The following ZBTB20 variants were observed in gnomAD, a reference collection of about 807,000 sequenced individuals.
ZBTB20 encodes zinc finger and BTB domain containing 20, also known as zinc finger and BTB domain-containing protein 20.
A neutral mutation model predicts 56.9 loss-of-function variants in ZBTB20; 9 were observed. That is an observed-to-expected ratio of 0.16 (90% confidence interval 0.10 to 0.28). The LOEUF (loss-of-function observed/expected upper bound fraction) is 0.28. Ranked by LOEUF, ZBTB20 falls within the 10% of genes least tolerant of loss-of-function variation. The pLI, the probability that ZBTB20 is intolerant of heterozygous loss-of-function variation, is 1.00. For missense variants in ZBTB20, 655 were observed against 1,003.0 expected, an observed-to-expected ratio of 0.65 and a Z score of 4.69; for synonymous variants, 417 against 420.7, an observed-to-expected ratio of 0.99 and a Z score of 0.11.
At chr3:114,966,558 G>A (rs773490661) in intron 3 of ZBTB20, among the ~76,000 whole-genome samples, 6 of 151,660 alleles carry the variant, frequency 4.0e-5, no homozygotes, top group Non-Finnish European at 5.9e-5. Context: ...TTATTTTATC[G>A]GTGTGTAGGC....
chr3:114,845,594 A>C (rs667926), intron 4 of ZBTB20, among the ~76,000 whole-genome samples: 6,512 of 151,896 alleles, frequency 0.043, 481 homozygotes, highest in African/African-American at 0.15. Flanking sequence ...AATTGTGCCA[A>C]TTGTAAATAA....
chr3:114,994,988 C>T (rs983244555), intron 2 of ZBTB20, among the ~76,000 whole-genome samples: 10 of 151,836 alleles, frequency 6.6e-5, no homozygotes, highest in Non-Finnish European at 1.2e-4. Context: ...GATTGCAAAC[C>T]ATGGCATTAT....
chr3:114,497,167 C>T (rs1400042727), intron 7 of ZBTB20, among the ~76,000 whole-genome samples: 1 of 152,242 alleles, frequency 6.6e-6, no homozygotes, highest in Non-Finnish European at 1.5e-5. Context: ...GCCTCTCCCT[C>T]CATCCTACCC....
At chr3:114,548,407 A>T (rs2050153195) in intron 6 of ZBTB20, among the ~76,000 whole-genome samples, 1 of 152,170 alleles carries the variant, frequency 6.6e-6, no homozygotes, top group Non-Finnish European at 1.5e-5. Flanking sequence ...ATGGGAAGAG[A>T]CCTAAGAGAT....
At chr3:115,107,588 T>C (rs1323604220) in intron 1 of ZBTB20, among the ~76,000 whole-genome samples, 1 of 152,186 alleles carries the variant, frequency 6.6e-6, no homozygotes, top group Admixed American at 6.5e-5. Context: ...AGTGTGGCGA[T>C]TCCTCAAGGA....
At chr3:114,967,643 A>T (rs1045368992) in intron 3 of ZBTB20, among the ~76,000 whole-genome samples, 4 of 152,008 alleles carry the variant, frequency 2.6e-5, no homozygotes, top group African/African-American at 7.3e-5. Context: ...AGTCTCTTTC[A>T]CCCTGATAAA....
chr3:114,611,007 T>C (rs1451777052), intron 6 of ZBTB20, among the ~76,000 whole-genome samples: 3 of 152,148 alleles, frequency 2.0e-5, no homozygotes, highest in Non-Finnish European at 2.9e-5. Context: ...TGCTAGGCAA[T>C]GATGGGTGGA....
At chr3:114,561,741 T>C (rs1028710231) in intron 6 of ZBTB20, among the ~76,000 whole-genome samples, 1 of 152,020 alleles carries the variant, frequency 6.6e-6, no homozygotes, top group Non-Finnish European at 1.5e-5. Flanking sequence ...ATTTTCTAAA[T>C]GGTAAATAAA....
At chr3:114,863,070 A>C (rs1227372701) in intron 4 of ZBTB20, among the ~76,000 whole-genome samples, 2 of 152,140 alleles carry the variant, frequency 1.3e-5, no homozygotes, top group Non-Finnish European at 2.9e-5. Flanking sequence ...TTTTCTATGA[A>C]CCAGTGACTT....
chr3:114,575,007 G>C (rs1248676785), intron 6 of ZBTB20, among the ~76,000 whole-genome samples: 2 of 152,098 alleles, frequency 1.3e-5, no homozygotes, highest in Admixed American at 6.5e-5. Context: ...ACTGGAAAGG[G>C]CTTTAAAGTA....
intron 6 of ZBTB20, among the ~76,000 whole-genome samples, chr3:114,593,396 T>A (rs984127235): frequency 2.0e-5 from 3 of 149,040 alleles, no homozygotes; most frequent in African/African-American, 7.3e-5. Context: ...TTTTTTTTTT[T>A]TTTTTGAGAC....
intron 7 of ZBTB20, among the ~76,000 whole-genome samples, chr3:114,404,515 T>C (rs1307036288): frequency 6.6e-6 from 1 of 152,142 alleles, no homozygotes; most frequent in Non-Finnish European, 1.5e-5. Flanking sequence ...AATACCCTGG[T>C]ATCTTAGAAA....
intron 7 of ZBTB20, among the ~76,000 whole-genome samples, chr3:114,430,777 C>A (rs1469455443): frequency 6.6e-6 from 1 of 152,128 alleles, no homozygotes; most frequent in African/African-American, 2.4e-5. Context: ...CTACAAAAAC[C>A]TGGCACAGTG....
At chr3:114,817,401 C>T (rs1413662997) in intron 4 of ZBTB20, among the ~76,000 whole-genome samples, 2 of 151,878 alleles carry the variant, frequency 1.3e-5, no homozygotes, top group Non-Finnish European at 2.9e-5. Context: ...GCCTGTAATC[C>T]GAGCTACTCA....
chr3:114,649,776 A>T (rs983681856), intron 6 of ZBTB20, among the ~76,000 whole-genome samples: 2 of 152,022 alleles, frequency 1.3e-5, no homozygotes, highest in African/African-American at 2.4e-5. Context: ...TAGGTAAATT[A>T]TATATTTTCC....
At chr3:114,685,496 G>T (rs1032993320) in intron 6 of ZBTB20, among the ~76,000 whole-genome samples, 1 of 152,198 alleles carries the variant, frequency 6.6e-6, no homozygotes, top group African/African-American at 2.4e-5. Context: ...GCTCTGCTAC[G>T]CAATGTGCAG....
intron 2 of ZBTB20, among the ~76,000 whole-genome samples, chr3:115,035,109 T>C (rs759568303): frequency 1.3e-5 from 2 of 152,052 alleles, no homozygotes; most frequent in Non-Finnish European, 2.9e-5. Context: ...TCTAAAACTA[T>C]AAAACTCTTG....
intron 4 of ZBTB20, among the ~76,000 whole-genome samples, chr3:114,822,059 A>G (rs932204421): frequency 2.6e-5 from 4 of 152,154 alleles, no homozygotes; most frequent in Non-Finnish European, 5.9e-5. Context: ...AAATATGTAG[A>G]AATAAGACTT....
chr3:114,906,821 T>C (rs1166561302), intron 3 of ZBTB20, among the ~76,000 whole-genome samples: 1 of 151,528 alleles, frequency 6.6e-6, no homozygotes, highest in Non-Finnish European at 1.5e-5. Flanking sequence ...AAGTTGGTGT[T>C]AGGGTTAATA....
Sources: allele counts gnomAD v4.1 joint callset (sites outside exome capture counted in the v4.1 genomes callset), GRCh38; gene constraint gnomAD v4.1.1; transcripts MANE v1.5; gene names NCBI Gene and HGNC (gene_info 2026-07-23, HGNC 2026-07-21).